Variants in WNT10A observed in about 807,000 individuals in gnomAD.
WNT10A encodes the protein Wnt family member 10A.
Under a neutral mutation model 36.1 loss-of-function variants are expected in WNT10A, and 37 were observed. The observed-to-expected ratio is 1.02, with a 90% CI of 0.79 to 1.35. The LOEUF (loss-of-function observed/expected upper bound fraction) is 1.35, where lower values mean the gene tolerates loss of function less well. WNT10A is among the 40% of genes most tolerant of loss of function. The pLI is 0.00. For missense variants in WNT10A, 613 were observed against 601.4 expected (o/e 1.02, Z -0.20); for synonymous variants, 255 against 254.1 (o/e 1.00, Z -0.03).
Position 218,881,126 on chromosome 2 carries a change from G to A in WNT10A, c.113+18G>A. 2 of 1,578,166 alleles carry A rather than the reference G, an allele frequency of 1.3e-6. No homozygotes were observed. Among genetic ancestry groups the A allele is most frequent in the Non-Finnish European group, 8.6e-7 (1 of 1,161,162 alleles). On this transcript the variant is annotated intron_variant, in intron 1 of 3. Coordinates refer to ENST00000258411, the MANE Select transcript of WNT10A (RefSeq NM_025216.3). Reference sequence around the variant, plus strand: ...ATGCCCAGGTGAGCCCTCACCTCATGCTCCGCCCTCCTAGAGAGTTGGGAC... The same window carrying A: ...ATGCCCAGGTGAGCCCTCACCTCATACTCCGCCCTCCTAGAGAGTTGGGAC...
upstream of WNT10A, among the ~76,000 whole-genome samples, chr2:218,878,705 T>C (rs991724899): frequency 2.0e-5 from 3 of 152,212 alleles, no homozygotes. This position sits in a 1 kb window ranked among gnomAD's most constrained non-coding sequence, Gnocchi z 4.1. Context: ...GCGTGGGAAA[T>C]GCTAGTGTGA....
intron 3 of WNT10A, among the ~76,000 whole-genome samples, chr2:218,891,572 T>C (rs748514683): frequency 2.6e-5 from 4 of 152,180 alleles, no homozygotes; most frequent in African/African-American, 4.8e-5. Context: ...GTACAGCTCT[T>C]TTCCCAAGCC....
chr2:218,890,075 C>T lies in WNT10A; in HGVS notation c.468C>T (p.Ala156=), dbSNP rs754608071. The T allele has an allele frequency of 6.2e-7, 1 of 1,614,158 alleles. No homozygotes were observed. Among genetic ancestry groups the T allele is most frequent in the South Asian group, 1.1e-5 (1 of 91,080 alleles). Residue 156 remains alanine (A), a synonymous_variant, in exon 3 of 4, where the codon GCC becomes GCT. Coordinates refer to ENST00000258411, the MANE Select transcript of WNT10A (RefSeq NM_025216.3). ...SNACALGKLK[A]CGCDASRRGD... Reference sequence around the variant, plus strand: ...CGTGTGCCCTGGGCAAACTGAAGGCCTGTGGCTGTGATGCGTCCCGGCGAG... The same window carrying T: ...CGTGTGCCCTGGGCAAACTGAAGGCTTGTGGCTGTGATGCGTCCCGGCGAG...
At position 218,893,303 on chromosome 2, in the gene WNT10A, G is replaced by T; in HGVS notation, c.*32G>T. The stretch of plus-strand genomic sequence containing the variant: ...CGGGGTCCCCTGGGCCCTGATCGAG[G>T]TCCCCTCCTGGAGCCTGGCCCTCTG... On this transcript the variant is annotated 3_prime_UTR_variant, in exon 4 of 4. Coordinates refer to ENST00000258411, the MANE Select transcript of WNT10A (RefSeq NM_025216.3). The surrounding 1 kb of genome is among the most constrained non-coding windows in gnomAD (Gnocchi z 6.3). 6.5e-7 allele frequency: 1 copy of T among 1,532,572 alleles called. No individual in the cohort carries two copies. Among genetic ancestry groups the T allele is most frequent in the Non-Finnish European group, 8.7e-7 (1 of 1,144,478 alleles). 94.9% of individuals were successfully genotyped at this position (1,532,572 alleles called of 1,614,324 possible). A position where few individuals can be genotyped will look rare whatever the true frequency, so the allele number is the denominator to read the frequency against.
chr2:218,889,997 C>G lies in WNT10A; in HGVS notation c.390C>G (p.Ser130Arg). 1.2e-6 allele frequency: 2 copies of G among 1,612,952 alleles called. No homozygotes were observed. Among genetic ancestry groups the G allele is most frequent in the Admixed American group, 1.7e-5 (1 of 60,032 alleles). The change falls in exon 3 of 4, where the codon AGC (serine) becomes AGG (arginine). Residue 130 changes from serine to arginine, a missense_variant. By Grantham distance (110) the Ser-to-Arg change is moderately radical. Coordinates refer to ENST00000258411, the MANE Select transcript of WNT10A (RefSeq NM_025216.3). ...CTTTAACCACAGGTTTCCGAGAGAG[C>G]GCTTTTGCCTACGCCATCGCAGCAG... ...SPIFSRGFRE[S>R]AFAYAIAAAG...
chr2:218,891,445 C>T (rs370369943), intron 3 of WNT10A, among the ~76,000 whole-genome samples: 8 of 152,164 alleles, frequency 5.3e-5, no homozygotes, highest in Admixed American at 3.3e-4. Context: ...TCTTAGCCCA[C>T]GATGGGTCAT....
rs1351648447 is a variant in WNT10A, at chr2:218,893,297, A to G, written c.*26A>G. ...GCGGCCCGGGGTCCCCTGGGCCCTG[A>G]TCGAGGTCCCCTCCTGGAGCCTGGC... is the stretch of plus-strand genomic sequence containing the variant. On this transcript the variant is annotated 3_prime_UTR_variant, in exon 4 of 4. Coordinates refer to ENST00000258411, the MANE Select transcript of WNT10A (RefSeq NM_025216.3). The surrounding 1 kb of genome is among the most constrained non-coding windows in gnomAD (Gnocchi z 6.3). 1 of 1,535,460 alleles carries G rather than the reference A, an allele frequency of 6.5e-7. No homozygotes were observed. Among genetic ancestry groups the G allele is most frequent in the Admixed American group, 1.9e-5 (1 of 51,336 alleles).
chr2:218,886,632 AC>A (rs1342944200), intron 2 of WNT10A, among the ~76,000 whole-genome samples: 1 of 72,762 alleles, frequency 1.4e-5, no homozygotes, highest in Non-Finnish European at 3.0e-5. Context: ...CCCCCCACCC[AC>A]CCCCCCACCG....
At chr2:218,875,250 G>A in the WNT10A span, among the ~76,000 whole-genome samples, 2 of 124,008 alleles carry the variant, frequency 1.6e-5, no homozygotes, top group South Asian at 2.7e-4. Flanking sequence ...GTGCAGTGAC[G>A]TGATCTCAGC....
chr2:218,881,997 T>G (rs1243466212), intron 1 of WNT10A, among the ~76,000 whole-genome samples, 164 bp from the exon 2 acceptor site: 1 of 151,762 alleles, frequency 6.6e-6, no homozygotes, highest in Non-Finnish European at 1.5e-5. Context: ...TGTGAGGAGG[T>G]CAAGGAGAGA....
intron 3 of WNT10A, among the ~76,000 whole-genome samples, chr2:218,890,964 A>G (rs752659675): frequency 6.6e-6 from 1 of 152,166 alleles, no homozygotes; most frequent in Non-Finnish European, 1.5e-5. Context: ...AAATACATAC[A>G]CACATACATA....
chr2:218,881,157 C>T (rs1020194103), intron 1 of WNT10A, 49 bp downstream of exon 1: 15 of 1,553,966 alleles, frequency 9.7e-6, no homozygotes, highest in Non-Finnish European at 1.2e-5. Flanking sequence ...GGGACCCCGG[C>T]CTGCAGGGGC....
intron 3 of WNT10A, 49 bp from the exon 4 acceptor site, chr2:218,892,725 G>C: frequency 6.4e-7 from 1 of 1,552,026 alleles, no homozygotes; most frequent in African/African-American, 1.4e-5. Context: ...CGCTGGGAGG[G>C]GAGTGGGGCT....
intron 2 of WNT10A, among the ~76,000 whole-genome samples, chr2:218,888,138 G>A (rs1162586670): frequency 6.6e-6 from 1 of 152,222 alleles, no homozygotes; most frequent in Non-Finnish European, 1.5e-5. Flanking sequence ...TGATGCAGTG[G>A]GTGAGGATTA....
rs777942152 is a variant in WNT10A at position 218,890,303 on chromosome 2, G to A, written c.696G>A (p.Arg232=). 6.2e-7 allele frequency: 1 copy of A among 1,605,146 alleles called. No individual in the cohort carries two copies. Among genetic ancestry groups the A allele is most frequent in the Non-Finnish European group, 8.5e-7 (1 of 1,179,950 alleles). Reference sequence around the variant, plus strand: ...TTTCTAAGGACTTTCTGGACTCCCGGGAGCCTCACAGAGACATCCACGCGA... The same window carrying A: ...TTTCTAAGGACTTTCTGGACTCCCGAGAGCCTCACAGAGACATCCACGCGA... ...ERFSKDFLDS[R]EPHRDIHARM... The change falls in exon 3 of 4, where the codon CGG becomes CGA. Residue 232 remains arginine (R), a synonymous_variant. Transcript: ENST00000258411.
upstream of WNT10A, among the ~76,000 whole-genome samples, chr2:218,876,408 G>A (rs996185389): frequency 3.9e-5 from 6 of 152,092 alleles, no homozygotes; most frequent in African/African-American, 1.2e-4. Context: ...TCCTTCCCCC[G>A]CAATGCCCCT....
Position 218,892,394 on chromosome 2 carries a change from TCCTGCTCCTGGCC to T in WNT10A, c.757-376_757-364del, listed in dbSNP as rs1285785016. ...GCGAGATACAGCGGGGCCAGCACCC[TCCTGCTCCTGGCC>T]CCTACCCCAGGGGTGGCAGGAGAGG... On this transcript the variant is annotated intron_variant, in intron 3 of 3. Coordinates refer to ENST00000258411, the MANE Select transcript of WNT10A (RefSeq NM_025216.3). 8.3e-4 allele frequency among the ~76,000 whole-genome samples: 118 copies of T among 141,840 alleles called. 1 individual carries two copies. The highest frequency in any genetic ancestry group is 3.7e-3 in the Middle Eastern group (1 of 268). The allele number at this position is 141,840 out of a possible 152,430, so 93.1% of individuals were successfully genotyped here. A position where few individuals can be genotyped will look rare whatever the true frequency, so the allele number is the denominator to read the frequency against.
upstream of WNT10A, among the ~76,000 whole-genome samples, chr2:218,876,034 T>G (rs1171713808): frequency 6.6e-6 from 1 of 152,220 alleles, no homozygotes; most frequent in African/African-American, 2.4e-5. Context: ...CCTCTGCATC[T>G]ATTGTTTCTG....
intron 2 of WNT10A, among the ~76,000 whole-genome samples, chr2:218,886,140 G>A (rs1435136044): frequency 1.3e-5 from 2 of 152,104 alleles, no homozygotes; most frequent in Non-Finnish European, 2.9e-5. Flanking sequence ...ACTAAGTCCC[G>A]CTGTGTACCC....
Sources: allele counts gnomAD v4.1 joint callset (sites outside exome capture counted in the v4.1 genomes callset), GRCh38; gene constraint gnomAD v4.1.1; non-coding constraint Gnocchi (gnomAD v3.1); transcripts MANE v1.5; gene names NCBI Gene and HGNC (gene_info 2026-07-23, HGNC 2026-07-21).